The following SH3RF3 variants were observed in gnomAD, a reference collection of about 807,000 sequenced individuals.
The protein encoded by SH3RF3 is E3 ubiquitin-protein ligase SH3RF3.
SH3RF3 carries 29 observed loss-of-function variants against 66.3 expected under a neutral mutation model. The observed-to-expected ratio is 0.44, with a 90% CI of 0.33 to 0.60. The LOEUF is 0.60. Among genes scored for constraint, SH3RF3 ranks in the 20% least tolerant of loss-of-function variants. The pLI, the probability that SH3RF3 is intolerant of heterozygous loss-of-function variation, is 0.04. For missense variants in SH3RF3, 1,194 were observed against 1,190.9 expected (o/e 1.00, Z -0.04); for synonymous variants, 583 against 532.0 (o/e 1.10, Z -1.32).
intron 1 of SH3RF3, among the ~76,000 whole-genome samples, chr2:109,239,099 G>A (rs974908525): frequency 1.3e-5 from 2 of 152,202 alleles, no homozygotes; most frequent in East Asian, 1.9e-4. Context: ...AGGAGAAGAC[G>A]TCCAAGACAC....
chr2:109,299,913 G>A (rs146359307), intron 1 of SH3RF3, among the ~76,000 whole-genome samples: 77 of 152,342 alleles, frequency 5.1e-4, no homozygotes, highest in African/African-American at 1.4e-3. Flanking sequence ...CAAGTAGGAT[G>A]TGCAGAGCCA....
intron 3 of SH3RF3, among the ~76,000 whole-genome samples, chr2:109,380,802 A>G (rs1683493211): frequency 6.6e-6 from 1 of 152,172 alleles, no homozygotes; most frequent in East Asian, 1.9e-4. Flanking sequence ...CCACCTGCAT[A>G]GGCAGACATC....
At chr2:109,474,816 C>T (rs1464384347) in intron 8 of SH3RF3, among the ~76,000 whole-genome samples, 1 of 152,254 alleles carries the variant, frequency 6.6e-6, no homozygotes, top group Non-Finnish European at 1.5e-5. Context: ...AGCAAGTGCC[C>T]AGGGCCAGTG....
chr2:109,385,695 C>T (rs1210410099), intron 3 of SH3RF3, among the ~76,000 whole-genome samples: 1 of 152,216 alleles, frequency 6.6e-6, no homozygotes, highest in Non-Finnish European at 1.5e-5. Context: ...TCTCAGACCT[C>T]AAGGGGTTGG....
At chr2:109,488,120 G>A (rs1425471271) in intron 8 of SH3RF3, among the ~76,000 whole-genome samples, 5 of 152,170 alleles carry the variant, frequency 3.3e-5, no homozygotes, top group South Asian at 2.1e-4. Context: ...AGTGGGCTCC[G>A]CCGGGACACC....
chr2:109,450,431 A>G (rs560545750), intron 8 of SH3RF3, among the ~76,000 whole-genome samples: 1 of 152,324 alleles, frequency 6.6e-6, no homozygotes, highest in South Asian at 2.1e-4. Context: ...ATTAACCAGG[A>G]TGAGAATCCA....
At chr2:109,192,897 T>C (rs976662716) in intron 1 of SH3RF3, among the ~76,000 whole-genome samples, 2 of 152,220 alleles carry the variant, frequency 1.3e-5, no homozygotes, top group Non-Finnish European at 2.9e-5. Flanking sequence ...ATTTATGACA[T>C]TCCAGTGATA....
chr2:109,291,280 CT>C (rs11295870), intron 1 of SH3RF3, among the ~76,000 whole-genome samples: 48,143 of 137,118 alleles, frequency 0.35, 7,963 homozygotes, highest in East Asian at 0.54. Context: ...AGAGTAATCT[CT>C]TTTTTTTTTT....
At chr2:109,190,310 A>ATT (rs1416677259) in intron 1 of SH3RF3, among the ~76,000 whole-genome samples, 1 of 152,106 alleles carries the variant, frequency 6.6e-6, no homozygotes, top group Non-Finnish European at 1.5e-5. Context: ...AGTAGCTGGG[A>ATT]TTACAGGCAT....
At chr2:109,133,648 A>G (rs1271258048) in intron 1 of SH3RF3, among the ~76,000 whole-genome samples, 3 of 151,384 alleles carry the variant, frequency 2.0e-5, no homozygotes, top group Admixed American at 6.6e-5. Flanking sequence ...TGATGTTCTC[A>G]TTTACACCTG....
At chr2:109,350,055 C>A (rs1439869263) in intron 2 of SH3RF3, among the ~76,000 whole-genome samples, 1 of 152,226 alleles carries the variant, frequency 6.6e-6, no homozygotes, top group East Asian at 1.9e-4. Context: ...CATCGGATCA[C>A]CAGGGGCAGG....
intron 8 of SH3RF3, among the ~76,000 whole-genome samples, chr2:109,470,061 G>A (rs1319266654): frequency 3.3e-5 from 5 of 152,204 alleles, no homozygotes; most frequent in African/African-American, 4.8e-5. Context: ...AGCTGAGCCC[G>A]TTCTGGTGGT....
intron 1 of SH3RF3, among the ~76,000 whole-genome samples, chr2:109,255,337 C>CT (rs1415086969): frequency 2.6e-5 from 4 of 152,198 alleles, no homozygotes; most frequent in East Asian, 3.9e-4. Flanking sequence ...TAAAGCTACT[C>CT]TAAGAATACA....
In SH3RF3 at chr2:109,449,431, T is replaced by G; in HGVS notation, c.2090T>G (p.Leu697Arg). Residue 697 changes from leucine (L) to arginine (R), a missense_variant, in exon 8 of 10, where the codon CTG becomes CGG. Coordinates refer to ENST00000309415, the MANE Select transcript of SH3RF3 (RefSeq NM_001099289.3). ...GCTGGAGGGGGGCCCATCGGTGTTC[T>G]GTCCACATCCAGCCCCACCAACACG... ...GEAGGGPIGV[L>R]STSSPTNTGC... 1 of 1,614,018 alleles carries G rather than the reference T, an allele frequency of 6.2e-7. No homozygotes were observed.
intron 8 of SH3RF3, among the ~76,000 whole-genome samples, chr2:109,488,907 G>C (rs1679051713): frequency 6.6e-6 from 1 of 152,232 alleles, no homozygotes; most frequent in Admixed American, 6.5e-5. Flanking sequence ...CAGTAGCGGA[G>C]TCAGGTATCT....
intron 1 of SH3RF3, among the ~76,000 whole-genome samples, chr2:109,186,538 A>T (rs969641015): frequency 6.6e-6 from 1 of 152,250 alleles, no homozygotes; most frequent in East Asian, 1.9e-4. Flanking sequence ...TAGAAAGTCA[A>T]TTCTGTTTTT....
At chr2:109,213,173 C>T (rs147761748) in intron 1 of SH3RF3, among the ~76,000 whole-genome samples, 115 of 152,266 alleles carry the variant, frequency 7.6e-4, no homozygotes, top group African/African-American at 9.4e-4. Flanking sequence ...CACATGGGCG[C>T]GGTTGCTTAT....
intron 1 of SH3RF3, among the ~76,000 whole-genome samples, chr2:109,136,833 A>G (rs564900902): frequency 8.9e-4 from 136 of 152,306 alleles, no homozygotes; most frequent in African/African-American, 3.0e-3. Context: ...ATTTAGAAGC[A>G]TGCTTGCACC....
chr2:109,197,028 G>A (rs940500687), intron 1 of SH3RF3, among the ~76,000 whole-genome samples: 2 of 152,208 alleles, frequency 1.3e-5, no homozygotes, highest in African/African-American at 4.8e-5. Context: ...GTGAGTGGGT[G>A]CCACTGTTTT....
Sources: gnomAD v4.1 joint callset for allele counts (sites outside exome capture counted in the v4.1 genomes callset) on GRCh38, gnomAD v4.1.1 for gene constraint, MANE v1.5 for transcripts, NCBI Gene and HGNC (gene_info 2026-07-23, HGNC 2026-07-21) for gene names.